TBCK: variants seen among roughly 807,000 people sequenced by gnomAD.
The protein encoded by TBCK is TBC1 domain containing kinase, also known as TBC domain-containing protein kinase-like protein.
In TBCK, 99 loss-of-function variants were observed where a neutral mutation model predicts 113.4. The ratio of observed to expected loss-of-function variants is 0.87; its 90% confidence interval spans 0.74 to 1.03. TBCK has a LOEUF of 1.03. Ranked by LOEUF, TBCK falls within the 50% of genes least tolerant of loss-of-function variation. The pLI, the probability that TBCK is intolerant of heterozygous loss-of-function variation, is 0.00. For missense variants in TBCK, 1,045 were observed against 1,061.3 expected (o/e 0.98, Z 0.21); for synonymous variants, 369 against 370.8 (o/e 1.00, Z 0.05).
At chr4:106,256,987 C>G (rs1231835044) in intron 5 of TBCK, among the ~76,000 whole-genome samples, 1 of 151,604 alleles carries the variant, frequency 6.6e-6, no homozygotes, top group Non-Finnish European at 1.5e-5. Context: ...TTTTATAAAC[C>G]CTCTACAACT....
At chr4:106,155,158 T>C (rs897741721) in intron 23 of TBCK, among the ~76,000 whole-genome samples, 2 of 151,906 alleles carry the variant, frequency 1.3e-5, no homozygotes, top group Non-Finnish European at 2.9e-5. Flanking sequence ...TTTTTTTTTT[T>C]CAGCACTTTA....
chr4:106,290,673 C>T (rs934912352), intron 3 of TBCK, among the ~76,000 whole-genome samples: 1 of 152,150 alleles, frequency 6.6e-6, no homozygotes, highest in African/African-American at 2.4e-5. Flanking sequence ...CCAACCCCCC[C>T]ACCATGGACT....
chr4:106,141,014 T>C (rs1206630147), intron 23 of TBCK, among the ~76,000 whole-genome samples: 1 of 140,508 alleles, frequency 7.1e-6, no homozygotes, highest in Admixed American at 7.1e-5. Context: ...AGATATATGA[T>C]AAAACTCTCA....
At chr4:106,217,721 A>G (rs1341139759) in intron 19 of TBCK, among the ~76,000 whole-genome samples, 1 of 150,724 alleles carries the variant, frequency 6.6e-6, no homozygotes, top group Non-Finnish European at 1.5e-5. Context: ...ATCAAAGAGG[A>G]TACAAACAAA....
chr4:106,225,693 G>A (rs775549128), intron 19 of TBCK, among the ~76,000 whole-genome samples: 3 of 152,122 alleles, frequency 2.0e-5, no homozygotes, highest in East Asian at 2.0e-4. Flanking sequence ...TCCTGACGTC[G>A]TGATCTGCCC....
Position 106,138,338 on chromosome 4 carries a change from T to C in TBCK, c.2236-21960A>G, listed in dbSNP as rs1431239706. 1.4e-5 allele frequency among the ~76,000 whole-genome samples: 2 copies of C among 141,112 alleles called. 1 individual carries two copies. The highest frequency in any genetic ancestry group is 4.0e-4 in the East Asian group (2 of 4,960). The allele number at this position is 141,112 out of a possible 152,430, so 92.6% of individuals were successfully genotyped here. A position where few individuals can be genotyped will look rare whatever the true frequency, so the allele number is the denominator to read the frequency against. ...TCTATTACCTTATTTTTTAAATTTA[T>C]ATTCAACTGGCAAAAGGTCCCAAAA... On this transcript the variant is annotated intron_variant, in intron 23 of 25. Transcript: ENST00000394708.
chr4:106,087,372 C>T (rs1578854813), intron 25 of TBCK, among the ~76,000 whole-genome samples: 1 of 152,130 alleles, frequency 6.6e-6, no homozygotes, highest in Admixed American at 6.5e-5. Flanking sequence ...ATACAGCTAA[C>T]AAGGGATGTG....
chr4:106,110,806 C>G (rs59605868), intron 24 of TBCK, among the ~76,000 whole-genome samples: 1 of 152,036 alleles, frequency 6.6e-6, no homozygotes, highest in Non-Finnish European at 1.5e-5. Context: ...CCCTCAGCCC[C>G]GCTGTCTCCA....
intron 19 of TBCK, among the ~76,000 whole-genome samples, chr4:106,217,548 A>T (rs1363346709): frequency 6.6e-6 from 1 of 152,130 alleles, no homozygotes; most frequent in Non-Finnish European, 1.5e-5. Flanking sequence ...ATGTGCAAAA[A>T]TCACAAGCAT....
At chr4:106,187,880 G>T (rs1753205917) in intron 22 of TBCK, among the ~76,000 whole-genome samples, 1 of 152,166 alleles carries the variant, frequency 6.6e-6, no homozygotes, top group Non-Finnish European at 1.5e-5. Flanking sequence ...AAGTGCTACT[G>T]ATTTATATAT....
rs549406116 is a variant in TBCK, at chr4:106,261,756, A to G, written c.381+342T>C. Among the ~76,000 whole-genome samples, 47 of 152,172 alleles carry G rather than the reference A, an allele frequency of 3.1e-4. 1 individual carries two copies. The South Asian group carries it at 7.3e-3, about 24-fold the overall frequency. ...GTTTATATGAATAACATTCTAGCAA[A>G]AAGAGCCATTTTCTTAAAAATGAAA... On this transcript the variant is annotated intron_variant, in intron 4 of 25. Coordinates refer to ENST00000394708, the MANE Select transcript of TBCK (RefSeq NM_001163435.3).
chr4:106,058,212 T>C (rs1735649560), intron 25 of TBCK, among the ~76,000 whole-genome samples: 1 of 151,802 alleles, frequency 6.6e-6, no homozygotes, highest in Non-Finnish European at 1.5e-5. Context: ...GTGATTACAA[T>C]ACCATTTGAT....
Position 106,236,518 on chromosome 4 carries a change from G to A in TBCK, c.1222C>T (p.Gln408Ter). The change falls in exon 14 of 26, where the codon CAG becomes TAG. Residue 408 changes from glutamine to a stop codon, truncating the protein, a stop_gained and splice_region_variant. Transcript: ENST00000394708. LOFTEE classifies it high-confidence loss of function. ...EAFYPLLEDD[Q>*]SNLPHSNSNN... ...CTGTTTGAATGAGGTAAATTAGACTGGCTGTAAAAGAGAACAAAAGCAATA... is the reference window on the plus strand; with the variant it reads ...CTGTTTGAATGAGGTAAATTAGACTAGCTGTAAAAGAGAACAAAAGCAATA... The A allele has an allele frequency of 1.3e-6, 2 of 1,499,364 alleles. No individual in the cohort carries two copies. Among genetic ancestry groups the A allele is most frequent in the Non-Finnish European group, 1.8e-6 (2 of 1,128,622 alleles). The allele number at this position is 1,499,364 out of a possible 1,614,324, so 92.9% of individuals were successfully genotyped here. A position where few individuals can be genotyped will look rare whatever the true frequency, so the allele number is the denominator to read the frequency against.
In TBCK at chr4:106,244,654, A is replaced by C. The variant is rs766283521; in HGVS notation, c.1042T>G (p.Ser348Ala). The C allele has an allele frequency of 1.4e-5, 23 of 1,611,512 alleles. No individual in the cohort carries two copies. Among genetic ancestry groups the C allele is most frequent in the Non-Finnish European group, 2.0e-5 (23 of 1,178,990 alleles). ...KELVNKEIIR[S>A]KPPICTLPNF... ...GGGAGTGTGCAGATAGGTGGTTTGG[A>C]TCGAATGATTTCCTTGTTGACAAGC... The change falls in exon 11 of 26, where the codon TCC becomes GCC. Residue 348 changes from serine to alanine, a missense_variant. Transcript: ENST00000394708.
At chr4:106,197,585 A>T (rs1754413782) in intron 20 of TBCK, among the ~76,000 whole-genome samples, 1 of 151,956 alleles carries the variant, frequency 6.6e-6, no homozygotes, top group Admixed American at 6.6e-5. Context: ...ACTGTTATAA[A>T]CAAGGCATTA....
intron 14 of TBCK, 69 bp from the exon 15 acceptor site, chr4:106,235,436 T>C (rs1759345657): frequency 3.1e-5 from 31 of 986,608 alleles, no homozygotes; most frequent in Non-Finnish European, 4.5e-5. Context: ...TAGACAGTTC[T>C]GAATATACCC....
chr4:106,113,942 A>G (rs943309680), intron 24 of TBCK, among the ~76,000 whole-genome samples: 4 of 152,192 alleles, frequency 2.6e-5, no homozygotes, highest in African/African-American at 9.6e-5. Context: ...AGGGAATGAC[A>G]TGCCCCAAGT....
At chr4:106,247,435 A>T in intron 9 of TBCK, 148 bp from the exon 10 acceptor site, 1 of 623,252 alleles carries the variant, frequency 1.6e-6, no homozygotes, top group Non-Finnish European at 2.7e-6. Flanking sequence ...GTCTAGATGC[A>T]TACTTTTATA....
intron 2 of TBCK, among the ~76,000 whole-genome samples, chr4:106,298,621 A>AC (rs1036545088): frequency 2.6e-5 from 4 of 151,766 alleles, no homozygotes; most frequent in East Asian, 1.9e-4. Context: ...AACAACAACA[A>AC]AAAAAAGAAG....
Sources: gnomAD v4.1 joint callset for allele counts (sites outside exome capture counted in the v4.1 genomes callset) on GRCh38, gnomAD v4.1.1 for gene constraint, MANE v1.5 for transcripts, NCBI Gene and HGNC (gene_info 2026-07-23, HGNC 2026-07-21) for gene names.